Variants in LMNTD1 observed in about 807,000 individuals in gnomAD.
The protein encoded by LMNTD1 is lamin tail domain containing 1.
A neutral mutation model predicts 50.9 loss-of-function variants in LMNTD1; 35 were observed. The observed-to-expected ratio is 0.69, with a 90% CI of 0.53 to 0.91. LMNTD1 has a LOEUF of 0.91. LMNTD1 is among the 40% of genes least tolerant of loss of function. The pLI is 0.00. For synonymous variants in LMNTD1, 153 were observed against 161.9 expected, an observed-to-expected ratio of 0.94 and a Z score of 0.42; for missense variants, 470 against 475.5, an observed-to-expected ratio of 0.99 and a Z score of 0.11.
intron 1 of LMNTD1, among the ~76,000 whole-genome samples, chr12:25,559,194 C>A (rs1053126207): frequency 6.6e-6 from 1 of 152,042 alleles, no homozygotes; most frequent in Non-Finnish European, 1.5e-5. Context: ...ATACCTCCCC[C>A]CTGCCCCCAC....
At chr12:25,572,845 GA>G (rs1249777399) in intron 1 of LMNTD1, among the ~76,000 whole-genome samples, 1 of 148,702 alleles carries the variant, frequency 6.7e-6, no homozygotes, top group African/African-American at 2.5e-5. Flanking sequence ...TAACTTTAGG[GA>G]AAAAAACAGC....
chr12:25,521,900 C>T (rs1941348411), intron 6 of LMNTD1, among the ~76,000 whole-genome samples: 1 of 152,162 alleles, frequency 6.6e-6, no homozygotes, highest in African/African-American at 2.4e-5. Context: ...GTGACATGTG[C>T]ACAACATACA....
intron 1 of LMNTD1, among the ~76,000 whole-genome samples, chr12:25,627,450 A>C (rs533227749): frequency 6.6e-6 from 1 of 152,304 alleles, no homozygotes; most frequent in South Asian, 2.1e-4. Context: ...ATTTTATGTC[A>C]CAAGAGAAAT....
rs1361414387 is a variant in LMNTD1, at chr12:25,519,581, C to CT, written c.1016+276dup. ...CCAGCCTGGGTGACAGAGCGAGACTCTGTCTCAAAAAAAAAAAAAAAAAAA... is the reference window on the plus strand; with the variant it reads ...CCAGCCTGGGTGACAGAGCGAGACTCTTGTCTCAAAAAAAAAAAAAAAAAAA... On this transcript the variant is annotated intron_variant, in intron 7 of 9. Coordinates refer to ENST00000458174, the MANE Select transcript of LMNTD1 (RefSeq NM_001145728.2). 7.3e-3 allele frequency among the ~76,000 whole-genome samples: 129 copies of CT among 17,672 alleles called. 5 individuals carry two copies. The highest frequency in any genetic ancestry group is 0.038 in the Middle Eastern group (1 of 26). The allele number at this position is 17,672 out of a possible 152,430, so 11.6% of individuals were successfully genotyped here. A position where few individuals can be genotyped will look rare whatever the true frequency, so the allele number is the denominator to read the frequency against.
At chr12:25,616,093 AACACACAC>A (rs10564512) in intron 1 of LMNTD1, among the ~76,000 whole-genome samples, 1 of 148,610 alleles carries the variant, frequency 6.7e-6, no homozygotes, top group Non-Finnish European at 1.5e-5. Flanking sequence ...ACACACACAT[AACACACAC>A]ACACACACAC....
chr12:25,632,987 G>T (rs994555584), intron 1 of LMNTD1, among the ~76,000 whole-genome samples: 1 of 151,132 alleles, frequency 6.6e-6, no homozygotes, highest in South Asian at 2.1e-4. Flanking sequence ...GGCATTTCAC[G>T]CAAATAGACA....
intron 1 of LMNTD1, among the ~76,000 whole-genome samples, chr12:25,604,474 A>T (rs1026475385): frequency 6.6e-6 from 1 of 152,026 alleles, no homozygotes; most frequent in Admixed American, 6.5e-5. Context: ...CATTAGGTAT[A>T]TCTCCTAATG....
intron 1 of LMNTD1, among the ~76,000 whole-genome samples, chr12:25,593,135 C>A (rs1415603960): frequency 6.6e-6 from 1 of 151,686 alleles, no homozygotes; most frequent in Non-Finnish European, 1.5e-5. Flanking sequence ...CTTCCCTACC[C>A]ACCCTGGTAA....
rs531470923 is a variant in LMNTD1, at chr12:25,536,387, A to G, written c.492-9432T>C. 5.9e-5 allele frequency among the ~76,000 whole-genome samples: 9 copies of G among 152,342 alleles called. No homozygotes were observed. In the South Asian group the frequency reaches 1.0e-3, roughly 18 times the overall value. On this transcript the variant is annotated intron_variant, in intron 4 of 9. Coordinates refer to ENST00000458174, the MANE Select transcript of LMNTD1 (RefSeq NM_001145728.2). ...ATACAAAGTATGTTCTTTGACCACA[A>G]TGGAATTTAATTAGAAATCAATAAC...
At chr12:25,606,674 A>G (rs372366091) in intron 1 of LMNTD1, among the ~76,000 whole-genome samples, 36 of 152,086 alleles carry the variant, frequency 2.4e-4, no homozygotes, top group Non-Finnish European at 1.6e-4. Context: ...GCATCCCAGG[A>G]ATGAAGCCCA....
At chr12:25,546,270 T>C (rs576946378) in intron 4 of LMNTD1, 104 bp downstream of exon 4, 10 of 563,468 alleles carry the variant, frequency 1.8e-5, no homozygotes, top group East Asian at 1.2e-4. Context: ...ATTAGTGTTT[T>C]AGATAAAATA....
At chr12:25,522,394 T>C (rs1399870495) in intron 6 of LMNTD1, among the ~76,000 whole-genome samples, 1 of 152,208 alleles carries the variant, frequency 6.6e-6, no homozygotes, top group Non-Finnish European at 1.5e-5. Context: ...ACAATGATGA[T>C]AATGTGATAA....
At chr12:25,585,361 G>A (rs1945475459) in intron 1 of LMNTD1, among the ~76,000 whole-genome samples, 1 of 152,186 alleles carries the variant, frequency 6.6e-6, no homozygotes, top group African/African-American at 2.4e-5. Flanking sequence ...CAATTACAAA[G>A]TGTTCTTTCT....
At chr12:25,566,217 C>A (rs1385478593) in intron 1 of LMNTD1, among the ~76,000 whole-genome samples, 1 of 152,134 alleles carries the variant, frequency 6.6e-6, no homozygotes, top group Non-Finnish European at 1.5e-5. Context: ...TCTTTGAGGC[C>A]AATAACTCTT....
chr12:25,563,037 C>T (rs915377815), intron 1 of LMNTD1, among the ~76,000 whole-genome samples: 3 of 152,198 alleles, frequency 2.0e-5, no homozygotes, highest in African/African-American at 7.2e-5. Flanking sequence ...ATCCATTTGT[C>T]CAATCTTTTC....
In LMNTD1 at chr12:25,589,491, T is replaced by C. The variant is rs1487814565; in HGVS notation, c.59-42937A>G. Among the ~76,000 whole-genome samples the C allele has an allele frequency of 5.3e-5, 8 of 152,252 alleles. No individual in the cohort carries two copies. The East Asian group carries it at 1.5e-3, about 29-fold the overall frequency. On this transcript the variant is annotated intron_variant, in intron 1 of 7. Transcript: ENST00000445693. ...GATTGGGGATGGAGGGAGACACAGGTGACTTCAAGACATAGTTAATGCTGT... is the reference window on the plus strand; with the variant it reads ...GATTGGGGATGGAGGGAGACACAGGCGACTTCAAGACATAGTTAATGCTGT...
At chr12:25,646,565 CAT>C (rs1947076879) in intron 1 of LMNTD1, among the ~76,000 whole-genome samples, 1 of 152,142 alleles carries the variant, frequency 6.6e-6, no homozygotes, top group Admixed American at 6.5e-5. Flanking sequence ...GTCTGCCACT[CAT>C]GTGTGTTAAC....
At chr12:25,496,437 G>A (rs1256225048) in intron 9 of LMNTD1, among the ~76,000 whole-genome samples, 1 of 152,120 alleles carries the variant, frequency 6.6e-6, no homozygotes, top group East Asian at 1.9e-4. Context: ...CAGTCTACAC[G>A]ATTTGGCCAA....
chr12:25,590,224 GGA>G (rs1945654825), intron 1 of LMNTD1, among the ~76,000 whole-genome samples: 1 of 152,212 alleles, frequency 6.6e-6, no homozygotes, highest in East Asian at 1.9e-4. Context: ...AGTGTGGTGA[GGA>G]GAGTGTTTCA....
Sources: gnomAD v4.1 joint callset for allele counts (sites outside exome capture counted in the v4.1 genomes callset) on GRCh38, gnomAD v4.1.1 for gene constraint, MANE v1.5 for transcripts, NCBI Gene and HGNC (gene_info 2026-07-23, HGNC 2026-07-21) for gene names.